Variants in STXBP5L observed in about 807,000 individuals in gnomAD.
STXBP5L encodes the protein syntaxin-binding protein 5-like.
In STXBP5L, 65 loss-of-function variants were observed where a neutral mutation model predicts 144.5. That is an observed-to-expected ratio of 0.45 (90% CI 0.37 to 0.55). The LOEUF is 0.55. Among genes scored for constraint, STXBP5L ranks in the 20% least tolerant of loss-of-function variants. STXBP5L has a pLI of 0.00. For synonymous variants in STXBP5L, 505 were observed against 469.6 expected (o/e 1.08, Z -0.97); for missense variants, 1,298 against 1,405.5 (o/e 0.92, Z 1.22).
At chr3:121,010,389 A>G (rs1944683513) in intron 3 of STXBP5L, among the ~76,000 whole-genome samples, 1 of 151,670 alleles carries the variant, frequency 6.6e-6, no homozygotes, top group Non-Finnish European at 1.5e-5. Flanking sequence ...AAGGTATTTT[A>G]ATTTTCCCTT....
intron 9 of STXBP5L, among the ~76,000 whole-genome samples, chr3:121,176,504 A>G: frequency 6.6e-6 from 1 of 151,440 alleles, no homozygotes. Context: ...AAAAAAAAAA[A>G]AAAAGGTGAA....
At chr3:121,298,294 G>T (rs2051740795) in intron 19 of STXBP5L, among the ~76,000 whole-genome samples, 1 of 152,056 alleles carries the variant, frequency 6.6e-6, no homozygotes. Flanking sequence ...TTGGCTATTT[G>T]TATTATCTTA....
intron 3 of STXBP5L, among the ~76,000 whole-genome samples, chr3:121,021,812 C>G (rs1211026921): frequency 1.3e-5 from 2 of 152,028 alleles, no homozygotes; most frequent in African/African-American, 4.8e-5. Flanking sequence ...ATAAAAAAGT[C>G]TGAAAGAGCA....
intron 23 of STXBP5L, among the ~76,000 whole-genome samples, chr3:121,412,228 C>T (rs1394623274): frequency 6.6e-6 from 1 of 152,104 alleles, no homozygotes; most frequent in Non-Finnish European, 1.5e-5. Context: ...AAACCAGGGT[C>T]TTCCTGTTTC....
In STXBP5L at chr3:121,104,510, A is replaced by G. The variant is rs1052722269; in HGVS notation, c.471-10415A>G. Among the ~76,000 whole-genome samples, 5 of 152,358 alleles carry G rather than the reference A, an allele frequency of 3.3e-5. No individual in the cohort carries two copies. In the South Asian group the frequency reaches 8.3e-4, roughly 25 times the overall value. On this transcript the variant is annotated intron_variant, in intron 5 of 26. Transcript: ENST00000471454. ...CGACTTCAAACTATACTACAAAACT[A>G]TAGTTAACAAAACAGCATTGTACTG...
intron 2 of STXBP5L, among the ~76,000 whole-genome samples, chr3:120,951,778 C>T (rs1342751310): frequency 6.6e-6 from 1 of 152,064 alleles, no homozygotes; most frequent in African/African-American, 2.4e-5. Flanking sequence ...CTAAAAATAC[C>T]ATTTGACCCA....
chr3:121,314,476 T>A (rs1577435889), intron 19 of STXBP5L, among the ~76,000 whole-genome samples: 1 of 140,444 alleles, frequency 7.1e-6, no homozygotes. Context: ...GCGCCTGCAA[T>A]CGCAGGCACT....
chr3:120,983,655 T>A (rs1043757739), intron 3 of STXBP5L, among the ~76,000 whole-genome samples: 3 of 152,138 alleles, frequency 2.0e-5, no homozygotes, highest in Non-Finnish European at 4.4e-5. Context: ...GGGACTCTTC[T>A]ACAGATAGAA....
At chr3:121,098,193 C>T (rs2331522) in intron 5 of STXBP5L, among the ~76,000 whole-genome samples, 121,473 of 152,002 alleles carry the variant, frequency 0.8, 49,001 homozygotes, top group Admixed American at 0.84. Context: ...TGATGACTGC[C>T]CTTTTTCAGT....
intron 20 of STXBP5L, 61 bp downstream of exon 20, chr3:121,318,601 T>C: frequency 8.6e-7 from 1 of 1,160,570 alleles, no homozygotes; most frequent in Non-Finnish European, 1.2e-6. Flanking sequence ...TGTTGCTTTA[T>C]TTTCATGATC....
chr3:121,374,975 CAT>C (rs2046140497), intron 20 of STXBP5L, among the ~76,000 whole-genome samples: 1 of 127,222 alleles, frequency 7.9e-6, no homozygotes, highest in South Asian at 2.4e-4. Flanking sequence ...TACACATGGA[CAT>C]AGAGTGCAGA....
intron 9 of STXBP5L, among the ~76,000 whole-genome samples, chr3:121,191,956 G>C (rs909216535): frequency 2.2e-5 from 3 of 138,792 alleles, no homozygotes; most frequent in Admixed American, 7.2e-5. Flanking sequence ...TGGGGTGGGG[G>C]ATGGGGGGAG....
chr3:121,010,332 T>C (rs140055069), intron 3 of STXBP5L, among the ~76,000 whole-genome samples: 1 of 152,022 alleles, frequency 6.6e-6, no homozygotes, highest in Non-Finnish European at 1.5e-5. Flanking sequence ...TCCCCTTCAA[T>C]TGATAGGCTC....
chr3:120,941,416 A>G (rs1380329760), intron 2 of STXBP5L, among the ~76,000 whole-genome samples: 4 of 151,814 alleles, frequency 2.6e-5, no homozygotes, highest in Non-Finnish European at 5.9e-5. Flanking sequence ...CTAGCATTAT[A>G]TAATTCAGTT....
chr3:121,132,359 C>G (rs2045031195), intron 7 of STXBP5L, among the ~76,000 whole-genome samples: 1 of 152,190 alleles, frequency 6.6e-6, no homozygotes. Flanking sequence ...GAACATCTAG[C>G]TACCTGGGGA....
At chr3:121,199,065 T>C (rs964342455) in intron 9 of STXBP5L, among the ~76,000 whole-genome samples, 47 of 152,198 alleles carry the variant, frequency 3.1e-4, no homozygotes, top group African/African-American at 1.1e-3. Context: ...ATCTATAAGT[T>C]ACTTTGAACA....
At chr3:121,247,140 A>G (rs916172760) in intron 14 of STXBP5L, among the ~76,000 whole-genome samples, 2 of 152,216 alleles carry the variant, frequency 1.3e-5, no homozygotes, top group Non-Finnish European at 2.9e-5. Flanking sequence ...CCCCCTCTCA[A>G]AATAAAAAAT....
chr3:121,371,512 A>G (rs1377048072), intron 20 of STXBP5L, among the ~76,000 whole-genome samples: 2 of 152,256 alleles, frequency 1.3e-5, no homozygotes, highest in Non-Finnish European at 2.9e-5. Flanking sequence ...TAGCAGCAGC[A>G]GCAGTGCAGC....
At chr3:121,183,127 T>C (rs1477601701) in intron 9 of STXBP5L, among the ~76,000 whole-genome samples, 1 of 152,010 alleles carries the variant, frequency 6.6e-6, no homozygotes, top group East Asian at 1.9e-4. Context: ...AAAATTGGCA[T>C]AGAAAGGACA....
Sources: gnomAD v4.1 joint callset for allele counts (sites outside exome capture counted in the v4.1 genomes callset) on GRCh38, gnomAD v4.1.1 for gene constraint, MANE v1.5 for transcripts, NCBI Gene and HGNC (gene_info 2026-07-23, HGNC 2026-07-21) for gene names.